The following AGBL1 variants were observed in gnomAD, a reference collection of about 807,000 sequenced individuals.
AGBL1 encodes the protein AGBL carboxypeptidase 1, also known as cytosolic carboxypeptidase 4.
A neutral mutation model predicts 118.9 loss-of-function variants in AGBL1; 130 were observed. The ratio of observed to expected loss-of-function variants is 1.09; its 90% CI spans 0.95 to 1.26. AGBL1 has a LOEUF of 1.26. Ranked by LOEUF, AGBL1 falls within the 50% of genes most tolerant of loss-of-function variation. The probability of loss-of-function intolerance (pLI) is 0.00; values close to 1 mark genes in which losing one functional copy is unlikely to be tolerated. For missense variants in AGBL1, 1,584 were observed against 1,298.1 expected, an observed-to-expected ratio of 1.22 and a Z score of -3.38; for synonymous variants, 555 against 478.9, an observed-to-expected ratio of 1.16 and a Z score of -2.08.
At chr15:86,442,768 T>C (rs1445435493) in intron 18 of AGBL1, among the ~76,000 whole-genome samples, 4 of 152,232 alleles carry the variant, frequency 2.6e-5, no homozygotes, top group Admixed American at 6.5e-5. Context: ...GGCTTCGTCA[T>C]AGGCATCCTG....
chr15:86,768,646 T>C (rs2141284258), intron 22 of AGBL1, among the ~76,000 whole-genome samples: 1 of 152,078 alleles, frequency 6.6e-6, no homozygotes, highest in South Asian at 2.1e-4. Context: ...AACTGGCTCT[T>C]GGCCCACATC....
chr15:86,790,728 G>A (rs1350616704), intron 22 of AGBL1, among the ~76,000 whole-genome samples: 1 of 151,932 alleles, frequency 6.6e-6, no homozygotes, highest in Non-Finnish European at 1.5e-5. Context: ...TCTTCATCTT[G>A]TGTGCCTAAA....
chr15:86,860,409 T>C (rs1181977214), intron 22 of AGBL1, among the ~76,000 whole-genome samples: 1 of 150,906 alleles, frequency 6.6e-6, no homozygotes, highest in African/African-American at 2.4e-5. Context: ...TCCTGGAATA[T>C]ATATATATCT....
intron 21 of AGBL1, among the ~76,000 whole-genome samples, chr15:86,618,482 A>G (rs1478156585): frequency 6.6e-6 from 1 of 152,222 alleles, no homozygotes; most frequent in Non-Finnish European, 1.5e-5. Flanking sequence ...TATTAAAAAT[A>G]TAGATCTCTG....
chr15:86,404,873 A>G (rs907197121), intron 18 of AGBL1, among the ~76,000 whole-genome samples: 4 of 152,210 alleles, frequency 2.6e-5, no homozygotes, highest in African/African-American at 9.6e-5. Flanking sequence ...TAAGTGTGTT[A>G]GTTATTCCCA....
intron 22 of AGBL1, among the ~76,000 whole-genome samples, chr15:86,780,240 C>T (rs1226436819): frequency 6.6e-6 from 1 of 152,162 alleles, no homozygotes; most frequent in Non-Finnish European, 1.5e-5. Context: ...GCCACCTTTG[C>T]CTTCACTGCC....
At chr15:86,396,331 A>G (rs1166361097) in intron 17 of AGBL1, among the ~76,000 whole-genome samples, 1 of 151,510 alleles carries the variant, frequency 6.6e-6, no homozygotes, top group Non-Finnish European at 1.5e-5. Flanking sequence ...TTTAAAATGC[A>G]TTTCAGCACT....
chr15:86,635,406 G>T (rs1378902762), intron 21 of AGBL1, among the ~76,000 whole-genome samples: 1 of 149,664 alleles, frequency 6.7e-6, no homozygotes, highest in Non-Finnish European at 1.5e-5. Context: ...TCATTGCTGT[G>T]TAATTATCAA....
chr15:86,808,363 A>T (rs2078745559), intron 22 of AGBL1, among the ~76,000 whole-genome samples: 1 of 152,188 alleles, frequency 6.6e-6, no homozygotes, highest in African/African-American at 2.4e-5. Context: ...GCTGACCAAG[A>T]TTTCACTAGC....
intron 23 of AGBL1, among the ~76,000 whole-genome samples, chr15:86,929,725 G>A (rs180965534): frequency 1.0e-3 from 159 of 152,332 alleles, no homozygotes; most frequent in African/African-American, 3.6e-3. Flanking sequence ...TTTCCAGAGA[G>A]CCAGCGTGTT....
intron 23 of AGBL1, among the ~76,000 whole-genome samples, chr15:86,959,165 G>A (rs1567259627): frequency 6.6e-6 from 1 of 152,048 alleles, no homozygotes; most frequent in Non-Finnish European, 1.5e-5. Flanking sequence ...CAATAGTTTA[G>A]TATTTATTAA....
At chr15:86,572,907 A>C (rs940025667) in intron 21 of AGBL1, among the ~76,000 whole-genome samples, 1 of 152,244 alleles carries the variant, frequency 6.6e-6, no homozygotes, top group Admixed American at 6.5e-5. Context: ...CAAGTCTTCA[A>C]CATTCTTCAC....
intron 6 of AGBL1, among the ~76,000 whole-genome samples, chr15:86,244,692 T>C (rs1198858921): frequency 2.0e-5 from 3 of 152,144 alleles, no homozygotes; most frequent in Admixed American, 2.0e-4. Flanking sequence ...AAGACATGGA[T>C]GAAGGTCACT....
intron 21 of AGBL1, among the ~76,000 whole-genome samples, chr15:86,560,340 C>T (rs143599263): frequency 0.023 from 3,247 of 141,622 alleles, 50 homozygotes; most frequent in Non-Finnish European, 0.038. Context: ...CTTCCTGTGT[C>T]CAAGTGTTCT....
intron 23 of AGBL1, among the ~76,000 whole-genome samples, chr15:86,952,261 T>C (rs1159902315): frequency 1.3e-5 from 2 of 152,146 alleles, no homozygotes; most frequent in Non-Finnish European, 2.9e-5. Flanking sequence ...GTCACTCTTA[T>C]TTTCTTTTAG....
chr15:87,011,447 T>C lies in AGBL1; in HGVS notation c.3324-17378T>C, dbSNP rs753263836. Among the ~76,000 whole-genome samples, 7 of 152,306 alleles carry C rather than the reference T, an allele frequency of 4.6e-5. No individual in the cohort carries two copies. The South Asian group carries it at 1.5e-3, about 32-fold the overall frequency. On this transcript the variant is annotated intron_variant, in intron 24 of 24. Coordinates refer to the AGBL1 transcript ENST00000441037. Reference sequence around the variant, plus strand: ...GAATATTATGTAACAACAGCTAAATTTATGTATACTTAGGAAGTGAATGTC... The same window carrying C: ...GAATATTATGTAACAACAGCTAAATCTATGTATACTTAGGAAGTGAATGTC...
Position 86,256,862 on chromosome 15 carries a change from G to A in AGBL1, c.745G>A (p.Asp249Asn), listed in dbSNP as rs368107286. ...ILFSTTQNCL[D>N]DKSMEPVISV... The stretch of plus-strand genomic sequence containing the variant: ...TCTTCCCTTTGCTCAGAACTGCCTG[G>A]ATGACAAGAGCATGGAGCCCGTCAT... The change falls in exon 8 of 23, where the codon GAT becomes AAT. Residue 249 changes from aspartate (D) to asparagine (N), a missense_variant. Coordinates refer to ENST00000614907, the MANE Select transcript of AGBL1 (RefSeq NM_001386094.1). 67 of 1,613,772 alleles carry A rather than the reference G, an allele frequency of 4.2e-5. No homozygotes were observed. In the African/African-American group the frequency reaches 8.7e-4, roughly 21 times the overall value.
intron 6 of AGBL1, among the ~76,000 whole-genome samples, chr15:86,226,843 T>G (rs913806759): frequency 2.6e-5 from 4 of 152,188 alleles, no homozygotes; most frequent in Non-Finnish European, 5.9e-5. Flanking sequence ...ACCAATGCTT[T>G]TATAGGCTCT....
intron 18 of AGBL1, among the ~76,000 whole-genome samples, chr15:86,460,118 G>T (rs1329773197): frequency 6.6e-6 from 1 of 151,666 alleles, no homozygotes; most frequent in Non-Finnish European, 1.5e-5. Context: ...GGTTCAATTT[G>T]GTCTCCTGGT....
Sources: gnomAD v4.1 joint callset for allele counts (sites outside exome capture counted in the v4.1 genomes callset) on GRCh38, gnomAD v4.1.1 for gene constraint, MANE v1.5 for transcripts, NCBI Gene and HGNC (gene_info 2026-07-23, HGNC 2026-07-21) for gene names.